The following NLRP2B variants were observed in gnomAD, a reference collection of about 807,000 sequenced individuals.
The protein encoded by NLRP2B is NLR family pyrin domain containing 2B.
For missense variants in NLRP2B, 25 were observed against 6.8 expected, an observed-to-expected ratio of 3.70 and a Z score of -3.00; for synonymous variants, 16 against 3.5, an observed-to-expected ratio of 4.63 and a Z score of -4.03.
rs2011740325 is a variant in NLRP2B at position 57,678,970 on chromosome X, C to T, written c.*1153G>A. On this transcript the variant is annotated 3_prime_UTR_variant, in exon 1 of 1. Transcript: ENST00000434992. Reference sequence around the variant, plus strand: ...GAGCTGTGCGCCCTGCGGGAACCGGCCGCAAAGGAAGCGCAGGAACAGCCC... The same window carrying T: ...GAGCTGTGCGCCCTGCGGGAACCGGTCGCAAAGGAAGCGCAGGAACAGCCC... 2.1e-6 allele frequency: 1 copy of T among 470,261 alleles called. No individual in the cohort carries two copies. Among genetic ancestry groups the T allele is most frequent in the Non-Finnish European group, 3.6e-6 (1 of 278,914 alleles). The allele number at this position is 470,261 out of a possible 1,213,427, so 38.8% of individuals were successfully genotyped here.
chrX:57,678,251 A>T lies in NLRP2B; in HGVS notation c.*1872T>A. The T allele has an allele frequency of 3.7e-6, 2 of 538,953 alleles. No individual in the cohort carries two copies. Among genetic ancestry groups the T allele is most frequent in the African/African-American group, 2.2e-5 (1 of 44,963 alleles). The allele number at this position is 538,953 out of a possible 1,213,427, so 44.4% of individuals were successfully genotyped here. ...TGGGATCTCTCAACTTCAGCATCTG[A>T]TTCAGACACAGTGACATTCTCTGGG... On this transcript the variant is annotated 3_prime_UTR_variant, in exon 1 of 1. Coordinates refer to ENST00000434992, the MANE Select transcript of NLRP2B (RefSeq NM_001319967.1).
Position 57,677,618 on chromosome X carries a change from C to T in NLRP2B, c.*2505G>A, listed in dbSNP as rs1205148906. 2.0e-5 allele frequency: 6 copies of T among 304,275 alleles called. No homozygotes were observed. Among genetic ancestry groups the T allele is most frequent in the East Asian group, 7.6e-5 (1 of 13,195 alleles). 25.1% of individuals were successfully genotyped at this position (304,275 alleles called of 1,213,427 possible). ...CACAGAAACATCACCCATGTATCCC[C>T]GAGTGGGGGGTTCTTGGCCAAGCAC... On this transcript the variant is annotated 3_prime_UTR_variant, in exon 1 of 1. Transcript: ENST00000434992.
chrX:57,678,003 A>T lies in NLRP2B; in HGVS notation c.*2120T>A, dbSNP rs2011724149. ...GGGTCAGATATCTTACAGTCTTGTG[A>T]CCTCAAAGAGCTAGGCAGAGGTTCC... On this transcript the variant is annotated 3_prime_UTR_variant, in exon 1 of 1. Coordinates refer to ENST00000434992, the MANE Select transcript of NLRP2B (RefSeq NM_001319967.1). 1 of 473,691 alleles carries T rather than the reference A, an allele frequency of 2.1e-6. No homozygotes were observed. Among genetic ancestry groups the T allele is most frequent in the Non-Finnish European group, 3.9e-6 (1 of 259,400 alleles). The allele number at this position is 473,691 out of a possible 1,213,427, so 39.0% of individuals were successfully genotyped here.
rs1202246675 is a variant in NLRP2B at position 57,680,157 on chromosome X, A to G, written c.104T>C (p.Leu35Pro). The part of the protein sequence containing the change: ...KFKSLIRTVS[L>P]GNELQKIPQT ...GGGGATCTTTTGCAGCTCATTTCCC[A>G]GGGAGACGGTCCTGATCAGAGACTT... Residue 35 changes from leucine to proline, a missense_variant, in exon 1 of 1, where the codon CTG (leucine) becomes CCG (proline). Coordinates refer to ENST00000434992, the MANE Select transcript of NLRP2B (RefSeq NM_001319967.1). The G allele has an allele frequency of 2.3e-6, 1 of 426,966 alleles. No homozygotes were observed. Among genetic ancestry groups the G allele is most frequent in the East Asian group, 3.9e-5 (1 of 25,786 alleles). The allele number at this position is 426,966 out of a possible 1,213,427, so 35.2% of individuals were successfully genotyped here. A position where few individuals can be genotyped will look rare whatever the true frequency, so the allele number is the denominator to read the frequency against.
chrX:57,680,144 C>T lies in NLRP2B; in HGVS notation c.117G>A (p.Leu39=). The change falls in exon 1 of 1, where the codon CTG becomes CTA. Residue 39 remains leucine, a synonymous_variant. Coordinates refer to ENST00000434992, the MANE Select transcript of NLRP2B (RefSeq NM_001319967.1). ...LIRTVSLGNE[L]QKIPQT ...CTACCTATGTCTGGGGGATCTTTTG[C>T]AGCTCATTTCCCAGGGAGACGGTCC... The T allele has an allele frequency of 2.3e-6, 1 of 432,495 alleles. No homozygotes were observed. The allele number at this position is 432,495 out of a possible 1,213,427, so 35.6% of individuals were successfully genotyped here.
At position 57,677,708 on chromosome X, in the gene NLRP2B, A is replaced by T. The variant is rs1289580089; in HGVS notation, c.*2415T>A. The T allele has an allele frequency of 2.7e-6, 1 of 371,122 alleles. No individual in the cohort carries two copies. Among genetic ancestry groups the T allele is most frequent in the African/African-American group, 2.6e-5 (1 of 39,173 alleles). 30.6% of individuals were successfully genotyped at this position (371,122 alleles called of 1,213,427 possible). A position where few individuals can be genotyped will look rare whatever the true frequency, so the allele number is the denominator to read the frequency against. ...AAGTTCTTGCAATTGCCTTCTATAAAGTGACAGTTTTCCAACAACAACCTC... is the reference window on the plus strand; with the variant it reads ...AAGTTCTTGCAATTGCCTTCTATAATGTGACAGTTTTCCAACAACAACCTC... On this transcript the variant is annotated 3_prime_UTR_variant, in exon 1 of 1. Coordinates refer to ENST00000434992, the MANE Select transcript of NLRP2B (RefSeq NM_001319967.1).
In NLRP2B at chrX:57,680,079, C is replaced by A; in HGVS notation, c.*44G>T. The A allele has an allele frequency of 2.3e-6, 1 of 443,509 alleles. No homozygotes were observed. 36.6% of individuals were successfully genotyped at this position (443,509 alleles called of 1,213,427 possible). A position where few individuals can be genotyped will look rare whatever the true frequency, so the allele number is the denominator to read the frequency against. On this transcript the variant is annotated 3_prime_UTR_variant, in exon 1 of 1. Coordinates refer to ENST00000434992, the MANE Select transcript of NLRP2B (RefSeq NM_001319967.1). Reference sequence around the variant, plus strand: ...CTTCATCCAGTAGCTGTGGCAATGGCTGGTGATGATTTCTGCCAGTTGCTT... The same window carrying A: ...CTTCATCCAGTAGCTGTGGCAATGGATGGTGATGATTTCTGCCAGTTGCTT...
Position 57,678,031 on chromosome X carries a change from T to G in NLRP2B, c.*2092A>C. On this transcript the variant is annotated 3_prime_UTR_variant, in exon 1 of 1. Coordinates refer to ENST00000434992, the MANE Select transcript of NLRP2B (RefSeq NM_001319967.1). ...TCAAAGAGCTAGGCAGAGGTTCCGA[T>G]AAGCATCAGCTGGTGAAATGTTTTT... 1.9e-5 allele frequency: 9 copies of G among 472,820 alleles called. No individual in the cohort carries two copies. In the South Asian group the frequency reaches 2.7e-4, roughly 14 times the overall value. The allele number at this position is 472,820 out of a possible 1,213,427, so 39.0% of individuals were successfully genotyped here. A position where few individuals can be genotyped will look rare whatever the true frequency, so the allele number is the denominator to read the frequency against.
chrX:57,678,383 C>T lies in NLRP2B; in HGVS notation c.*1740G>A, dbSNP rs147325172. On this transcript the variant is annotated 3_prime_UTR_variant, in exon 1 of 1. Coordinates refer to ENST00000434992, the MANE Select transcript of NLRP2B (RefSeq NM_001319967.1). The stretch of plus-strand genomic sequence containing the variant: ...ACTGCATTTAAGTGCAGGGATATTT[C>T]TTTGAACGGAGCCATCACTCCCTTC... 1 of 522,861 alleles carries T rather than the reference C, an allele frequency of 1.9e-6. No homozygotes were observed. The highest frequency in any genetic ancestry group is 2.4e-5 in the South Asian group (1 of 40,923). 43.1% of individuals were successfully genotyped at this position (522,861 alleles called of 1,213,427 possible). A position where few individuals can be genotyped will look rare whatever the true frequency, so the allele number is the denominator to read the frequency against.
At position 57,679,424 on chromosome X, in the gene NLRP2B, G is replaced by A; in HGVS notation, c.*699C>T. The A allele has an allele frequency of 2.0e-6, 2 of 980,397 alleles. No individual in the cohort carries two copies. Among genetic ancestry groups the A allele is most frequent in the East Asian group, 3.1e-5 (1 of 32,123 alleles). 80.8% of individuals were successfully genotyped at this position (980,397 alleles called of 1,213,427 possible). On this transcript the variant is annotated 3_prime_UTR_variant, in exon 1 of 1. Transcript: ENST00000434992. ...CCGTCGACCACGAACAGGATTTTCT[G>A]TGCTTGGGCTAGGATGTTTGGAATG...
In NLRP2B at chrX:57,679,939, C is replaced by G. The variant is rs2011756614; in HGVS notation, c.*184G>C. 1 of 291,032 alleles carries G rather than the reference C, an allele frequency of 3.4e-6. No homozygotes were observed. Among genetic ancestry groups the G allele is most frequent in the African/African-American group, 2.8e-5 (1 of 36,075 alleles). 24.0% of individuals were successfully genotyped at this position (291,032 alleles called of 1,213,427 possible). A position where few individuals can be genotyped will look rare whatever the true frequency, so the allele number is the denominator to read the frequency against. ...GTCTATAGGTTTTGGCTCTTCTTTC[C>G]CTGTTTTCCCTAATGATACAGGCTT... On this transcript the variant is annotated 3_prime_UTR_variant, in exon 1 of 1. Coordinates refer to ENST00000434992, the MANE Select transcript of NLRP2B (RefSeq NM_001319967.1).
rs2011761126 is a variant in NLRP2B at position 57,680,204 on chromosome X, G to A, written c.57C>T (p.Ser19=). The A allele has an allele frequency of 7.7e-6, 3 of 388,692 alleles. No homozygotes were observed. The highest frequency in any genetic ancestry group is 1.6e-4 in the South Asian group (2 of 12,216). 32.0% of individuals were successfully genotyped at this position (388,692 alleles called of 1,213,427 possible). ...ACTTGAACTTGCACAAGTCATCCTG[G>A]CTGAGCTGTCCCAGAAGAGCCTGCA... ...FNLQALLGQL[S]QDDLCKFKSL... is the part of the protein sequence containing the mutation. The change falls in exon 1 of 1, where the codon AGC becomes AGT. Residue 19 remains serine, a synonymous_variant. Coordinates refer to ENST00000434992, the MANE Select transcript of NLRP2B (RefSeq NM_001319967.1).
chrX:57,679,439 T>C lies in NLRP2B; in HGVS notation c.*684A>G. The C allele has an allele frequency of 1.0e-6, 1 of 995,765 alleles. No individual in the cohort carries two copies. Among genetic ancestry groups the C allele is most frequent in the Non-Finnish European group, 1.4e-6 (1 of 702,090 alleles). 82.1% of individuals were successfully genotyped at this position (995,765 alleles called of 1,213,427 possible). ...AGGATTTTCTGTGCTTGGGCTAGGA[T>C]GTTTGGAATGTCATCCTGCAATTCA... On this transcript the variant is annotated 3_prime_UTR_variant, in exon 1 of 1. Coordinates refer to ENST00000434992, the MANE Select transcript of NLRP2B (RefSeq NM_001319967.1).
At position 57,679,562 on chromosome X, in the gene NLRP2B, G is replaced by A; in HGVS notation, c.*561C>T. ...AAAGCCTATCTAAATTTCTGGCTGA[G>A]GTTGTCCTCTGCCCAGTCCAGCATT... On this transcript the variant is annotated 3_prime_UTR_variant, in exon 1 of 1. Transcript: ENST00000434992. 1.8e-6 allele frequency: 1 copy of A among 567,589 alleles called. No individual in the cohort carries two copies. The highest frequency in any genetic ancestry group is 3.1e-6 in the Non-Finnish European group (1 of 327,750). The allele number at this position is 567,589 out of a possible 1,213,427, so 46.8% of individuals were successfully genotyped here. A position where few individuals can be genotyped will look rare whatever the true frequency, so the allele number is the denominator to read the frequency against.
chrX:57,677,324 T>G lies in NLRP2B; in HGVS notation c.*2799A>C, dbSNP rs1458735839. On this transcript the variant is annotated 3_prime_UTR_variant, in exon 1 of 1. Transcript: ENST00000434992. ...AGAACGACGAGGCTGTGGTTGCAGCTGAGCACAGAGCAGAGGTCCTCACAA... is the reference window on the plus strand; with the variant it reads ...AGAACGACGAGGCTGTGGTTGCAGCGGAGCACAGAGCAGAGGTCCTCACAA... 2.6e-6 allele frequency: 1 copy of G among 380,793 alleles called. No individual in the cohort carries two copies. Among genetic ancestry groups the G allele is most frequent in the Non-Finnish European group, 5.2e-6 (1 of 192,707 alleles). 31.4% of individuals were successfully genotyped at this position (380,793 alleles called of 1,213,427 possible). A position where few individuals can be genotyped will look rare whatever the true frequency, so the allele number is the denominator to read the frequency against.
chrX:57,677,713 C>G lies in NLRP2B; in HGVS notation c.*2410G>C. On this transcript the variant is annotated 3_prime_UTR_variant, in exon 1 of 1. Transcript: ENST00000434992. ...CTTGCAATTGCCTTCTATAAAGTGA[C>G]AGTTTTCCAACAACAACCTCGGCAG... 5.3e-6 allele frequency: 2 copies of G among 375,387 alleles called. No individual in the cohort carries two copies. Among genetic ancestry groups the G allele is most frequent in the Middle Eastern group, 9.4e-4 (2 of 2,134 alleles). 30.9% of individuals were successfully genotyped at this position (375,387 alleles called of 1,213,427 possible).
In NLRP2B at chrX:57,679,381, G is replaced by T; in HGVS notation, c.*742C>A. On this transcript the variant is annotated 3_prime_UTR_variant, in exon 1 of 1. Coordinates refer to ENST00000434992, the MANE Select transcript of NLRP2B (RefSeq NM_001319967.1). ...GTCCTAGATCAGTGCCCCAGGTGGG[G>T]CTCCCAGCTCATCAAAGCCGTCGAC... 1.3e-6 allele frequency: 1 copy of T among 787,004 alleles called. No individual in the cohort carries two copies. Among genetic ancestry groups the T allele is most frequent in the Non-Finnish European group, 1.9e-6 (1 of 516,850 alleles). 64.9% of individuals were successfully genotyped at this position (787,004 alleles called of 1,213,427 possible).
Position 57,677,887 on chromosome X carries a change from G to A in NLRP2B, c.*2236C>T, listed in dbSNP as rs756936701. 6 of 425,771 alleles carry A rather than the reference G, an allele frequency of 1.4e-5. No homozygotes were observed. The African/African-American group carries it at 1.5e-4, about 10-fold the overall frequency. The allele number at this position is 425,771 out of a possible 1,213,427, so 35.1% of individuals were successfully genotyped here. ...CCATTGCTAAGTGGTGGTGGAAAAA[G>A]ACACCAACCCGAGATATTGCAGGTT... On this transcript the variant is annotated 3_prime_UTR_variant, in exon 1 of 1. Coordinates refer to ENST00000434992, the MANE Select transcript of NLRP2B (RefSeq NM_001319967.1).
In NLRP2B at chrX:57,678,579, G is replaced by A; in HGVS notation, c.*1544C>T. 4.1e-6 allele frequency: 2 copies of A among 487,378 alleles called. No homozygotes were observed. The highest frequency in any genetic ancestry group is 7.3e-5 in the East Asian group (2 of 27,505). 40.2% of individuals were successfully genotyped at this position (487,378 alleles called of 1,213,427 possible). ...TCTCCAACTCCTTGGCTTTCTTCTC[G>A]TTGGCGAAGCCGAATAAGAAGTGTC... On this transcript the variant is annotated 3_prime_UTR_variant, in exon 1 of 1. Transcript: ENST00000434992.
Sources: gnomAD v4.1 joint callset for allele counts on GRCh38, gnomAD v4.1.1 for gene constraint, MANE v1.5 for transcripts, NCBI Gene and HGNC (gene_info 2026-07-23, HGNC 2026-07-21) for gene names.